SETBP1: variants seen among roughly 807,000 people sequenced by gnomAD.
SETBP1 encodes the protein SET binding protein 1.
In SETBP1, 9 loss-of-function variants were observed where a neutral mutation model predicts 101.0. The observed-to-expected ratio is 0.09, with a 90% CI of 0.05 to 0.16. SETBP1 has a LOEUF of 0.16. Among genes scored for constraint, SETBP1 ranks in the 10% least tolerant of loss-of-function variants. The pLI is 1.00. For missense variants in SETBP1, 1,858 were observed against 2,033.8 expected, an observed-to-expected ratio of 0.91 and a Z score of 1.66; for synonymous variants, 818 against 788.5, an observed-to-expected ratio of 1.04 and a Z score of -0.63.
At chr18:44,898,632 T>C (rs1243662601) in intron 3 of SETBP1, among the ~76,000 whole-genome samples, 1 of 152,154 alleles carries the variant, frequency 6.6e-6, no homozygotes, top group Admixed American at 6.6e-5. Context: ...CCAGTCTTCA[T>C]GAAAGGGCTT....
At chr18:44,953,686 G>A (rs1012937870) in intron 4 of SETBP1, among the ~76,000 whole-genome samples, 15 of 152,166 alleles carry the variant, frequency 9.9e-5, no homozygotes, top group Admixed American at 9.2e-4. Flanking sequence ...TTTGGATACA[G>A]CCTCTAAAAC....
chr18:44,767,958 A>T (rs1243781109), intron 2 of SETBP1, among the ~76,000 whole-genome samples: 1 of 152,244 alleles, frequency 6.6e-6, no homozygotes, highest in Non-Finnish European at 1.5e-5. Flanking sequence ...TTGGAAGCCC[A>T]TAGCATCCTG....
At chr18:44,926,944 GC>G (rs1272235385) in intron 3 of SETBP1, among the ~76,000 whole-genome samples, 2 of 152,142 alleles carry the variant, frequency 1.3e-5, no homozygotes, top group Non-Finnish European at 2.9e-5. Flanking sequence ...CTTGCCGGGT[GC>G]CCAGAGGCTT....
In SETBP1 at chr18:44,888,234, T is replaced by C. The variant is rs993260734; in HGVS notation, c.540+18951T>C. Among the ~76,000 whole-genome samples the C allele has an allele frequency of 2.6e-5, 4 of 152,088 alleles. No homozygotes were observed. The East Asian group carries it at 7.7e-4, about 29-fold the overall frequency. ...CACCTCAATTGGTGAGAAATAGAGC[T>C]AATAAAACTCAAACCAAGGAATTTA... On this transcript the variant is annotated intron_variant, in intron 3 of 5. Transcript: ENST00000649279.
rs191722443 is a variant in SETBP1, at chr18:44,942,657, G to A, written c.541-7224G>A. ...CTGTGTTGTCTATTGTCTAGTGCCT[G>A]AAAACAATTATTTCATATATTTTGT... is the stretch of plus-strand genomic sequence containing the variant. On this transcript the variant is annotated intron_variant, in intron 3 of 5. Transcript: ENST00000649279. Among the ~76,000 whole-genome samples the A allele has an allele frequency of 2.1e-3, 320 of 152,268 alleles. 5 individuals are homozygous for A. Among genetic ancestry groups the A allele is most frequent in the African/African-American group, 7.4e-3 (308 of 41,562 alleles).
chr18:44,882,814 C>T (rs191661954), intron 3 of SETBP1, among the ~76,000 whole-genome samples: 130 of 152,124 alleles, frequency 8.5e-4, no homozygotes, highest in African/African-American at 3.0e-3. Flanking sequence ...TTATTCTAGG[C>T]GGGGGTGTGT....
rs148108984 is a variant in SETBP1, at chr18:44,951,724, C to G, written c.2384C>G (p.Thr795Ser). 91 of 1,614,084 alleles carry G rather than the reference C, an allele frequency of 5.6e-5. No individual in the cohort carries two copies. Among genetic ancestry groups the G allele is most frequent in the South Asian group, 3.0e-4 (27 of 91,080 alleles). The change falls in exon 4 of 6, where the codon ACT (threonine) becomes AGT (serine). Residue 795 changes from threonine to serine, a missense_variant. This residue lies in a region of SETBP1 where 121 missense variants were observed against 138.0 expected (regional missense o/e 0.88). Coordinates refer to ENST00000649279, the MANE Select transcript of SETBP1 (RefSeq NM_015559.3). The surrounding 1 kb of genome is among the most constrained non-coding windows in gnomAD (Gnocchi z 7.8). ...AATGGCAACCTGAGCCCTGCCAGCACTGAAACCAATTTTTCAGAGTTGAAA... is the reference window on the plus strand; with the variant it reads ...AATGGCAACCTGAGCCCTGCCAGCAGTGAAACCAATTTTTCAGAGTTGAAA... ...GSNGNLSPAS[T>S]ETNFSELKTM... is the part of the protein sequence containing the mutation.
chr18:44,808,704 C>G (rs1470676202), intron 2 of SETBP1, among the ~76,000 whole-genome samples: 1 of 152,140 alleles, frequency 6.6e-6, no homozygotes, highest in Admixed American at 6.5e-5. Flanking sequence ...CTTGTTTCCC[C>G]CTCTAATTAC....
rs925831739 is a variant in SETBP1 at position 44,797,036 on chromosome 18, A to T, written c.487-72194A>T. Among the ~76,000 whole-genome samples the T allele has an allele frequency of 2.0e-5, 3 of 152,250 alleles. No homozygotes were observed. The South Asian group carries it at 6.2e-4, about 32-fold the overall frequency. On this transcript the variant is annotated intron_variant, in intron 2 of 5. Transcript: ENST00000649279. ...GTTCTCTGAACTTGATCTGCCAGTG[A>T]TGTATTAATTAGCTGGGGCACTGCA...
At position 44,950,880 on chromosome 18, in the gene SETBP1, C is replaced by G. The variant is rs751121277; in HGVS notation, c.1540C>G (p.Pro514Ala). Residue 514 changes from proline to alanine, a missense_variant, in exon 4 of 6, where the codon CCA (proline) becomes GCA (alanine). Physicochemically the swap from Pro to Ala is conservative, Grantham distance 27 (BLOSUM62 -1). Around this residue, in one of 12 missense-constraint regions of SETBP1, gnomAD observed 581 missense variants for 535.1 expected, o/e 1.09. Coordinates refer to ENST00000649279, the MANE Select transcript of SETBP1 (RefSeq NM_015559.3). ...MTPPTCTDHS[P>A]SRKLPEIQHP... Reference sequence around the variant, plus strand: ...ACCTCCAACGTGCACAGATCACTCTCCATCCAGAAAGCTGCCAGAAATCCA... The same window carrying G: ...ACCTCCAACGTGCACAGATCACTCTGCATCCAGAAAGCTGCCAGAAATCCA... 6.2e-7 allele frequency: 1 copy of G among 1,614,186 alleles called. No individual in the cohort carries two copies. The highest frequency in any genetic ancestry group is 8.5e-7 in the Non-Finnish European group (1 of 1,180,042).
chr18:44,777,661 C>T (rs1451906679), intron 2 of SETBP1, among the ~76,000 whole-genome samples: 2 of 152,196 alleles, frequency 1.3e-5, no homozygotes, highest in Non-Finnish European at 2.9e-5. Flanking sequence ...TTCCTGGACA[C>T]CCGTCAAGGA....
intron 3 of SETBP1, among the ~76,000 whole-genome samples, chr18:44,903,416 C>T (rs1321443901): frequency 6.6e-6 from 1 of 152,124 alleles, no homozygotes; most frequent in Non-Finnish European, 1.5e-5. Context: ...AGATCCCTTT[C>T]GCTTATCAGC....
chr18:45,040,160 G>C (rs2073481004), intron 5 of SETBP1, among the ~76,000 whole-genome samples: 1 of 152,134 alleles, frequency 6.6e-6, no homozygotes, highest in Admixed American at 6.5e-5. Flanking sequence ...CTGAAGGAAT[G>C]GGGTCATCTC....
At chr18:44,724,001 G>A (rs951975971) in intron 2 of SETBP1, among the ~76,000 whole-genome samples, 1 of 152,198 alleles carries the variant, frequency 6.6e-6, no homozygotes, top group African/African-American at 2.4e-5. Context: ...TACATGGGAA[G>A]GAGTGCTATC....
chr18:44,713,199 C>G (rs2069384218), intron 2 of SETBP1, among the ~76,000 whole-genome samples: 1 of 152,004 alleles, frequency 6.6e-6, no homozygotes, highest in Non-Finnish European at 1.5e-5. Flanking sequence ...CCTCGTGATC[C>G]TCCCACCTCG....
chr18:44,691,037 A>T (rs1486123693), intron 1 of SETBP1, among the ~76,000 whole-genome samples: 1 of 152,176 alleles, frequency 6.6e-6, no homozygotes, highest in Non-Finnish European at 1.5e-5. Flanking sequence ...GTGACGTGGC[A>T]ATTCAGATGG....
intron 4 of SETBP1, among the ~76,000 whole-genome samples, chr18:44,984,603 G>C (rs2072188961): frequency 6.6e-6 from 1 of 152,130 alleles, no homozygotes; most frequent in African/African-American, 2.4e-5. Context: ...ACTACAGAAT[G>C]ATGTACAATG....
At position 44,682,203 on chromosome 18, in the gene SETBP1, C is replaced by A. The variant is rs568832844; in HGVS notation, c.-173+1182C>A. Among the ~76,000 whole-genome samples, 5 of 152,302 alleles carry A rather than the reference C, an allele frequency of 3.3e-5. No homozygotes were observed. The South Asian group carries it at 1.0e-3, about 32-fold the overall frequency. On this transcript the variant is annotated intron_variant, in intron 1 of 5. Coordinates refer to ENST00000649279, the MANE Select transcript of SETBP1 (RefSeq NM_015559.3). ...CCTCCTTTAGTAAATAGGTATATCT[C>A]CTGTGCCCCATCCAAACTCATCTTC...
At chr18:45,036,609 C>G (rs1424467233) in intron 4 of SETBP1, among the ~76,000 whole-genome samples, 1 of 152,184 alleles carries the variant, frequency 6.6e-6, no homozygotes, top group African/African-American at 2.4e-5. Flanking sequence ...TTGCCTATCT[C>G]CACCTTCAAA....
Sources: allele counts gnomAD v4.1 joint callset (sites outside exome capture counted in the v4.1 genomes callset), GRCh38; gene constraint gnomAD v4.1.1; regional missense constraint gnomAD v4.1.1; non-coding constraint Gnocchi (gnomAD v3.1); transcripts MANE v1.5; gene names NCBI Gene and HGNC (gene_info 2026-07-23, HGNC 2026-07-21).